PCBP3: variants seen among roughly 807,000 people sequenced by gnomAD.
PCBP3 encodes the protein poly(rC) binding protein 3.
In PCBP3, 25 loss-of-function variants were observed where a neutral mutation model predicts 52.7. The ratio of observed to expected loss-of-function variants is 0.47; its 90% CI spans 0.35 to 0.66. The LOEUF (loss-of-function observed/expected upper bound fraction) is 0.66. Ranked by LOEUF, PCBP3 falls within the 30% of genes least tolerant of loss-of-function variation. The probability of loss-of-function intolerance (pLI) is 0.01; values close to 1 mark genes in which losing one functional copy is unlikely to be tolerated. For missense variants in PCBP3, 391 were observed against 490.3 expected (o/e 0.80, Z 1.91); for synonymous variants, 162 against 183.0 (o/e 0.89, Z 0.93).
At chr21:45,730,428 T>C (rs2085367622) in intron 2 of PCBP3, among the ~76,000 whole-genome samples, 2 of 152,128 alleles carry the variant, frequency 1.3e-5, no homozygotes, top group South Asian at 4.1e-4. Context: ...TTTACAGTTT[T>C]ATTGAAATTT....
intron 9 of PCBP3, among the ~76,000 whole-genome samples, chr21:45,908,316 A>G (rs183305933): frequency 3.5e-4 from 53 of 152,182 alleles, no homozygotes; most frequent in Middle Eastern, 3.4e-3. Flanking sequence ...CAGGTCCCTA[A>G]CCCGACACCT....
rs2080061868 is a variant in PCBP3, at chr21:45,656,976, T to C, written c.-278-11898T>C. ...AGCTGGGACTACAGGTGCCCGCCACTGCGCCTGGCTAATTTTTTGTATTTT... is the reference window on the plus strand; with the variant it reads ...AGCTGGGACTACAGGTGCCCGCCACCGCGCCTGGCTAATTTTTTGTATTTT... On this transcript the variant is annotated intron_variant, in intron 1 of 17. Transcript: ENST00000681687. This position sits in a 1 kb window ranked among gnomAD's most constrained non-coding sequence, Gnocchi z 4.3. 6.6e-6 allele frequency among the ~76,000 whole-genome samples: 1 copy of C among 152,022 alleles called. No homozygotes were observed. Among genetic ancestry groups the C allele is most frequent in the South Asian group, 2.1e-4 (1 of 4,820 alleles).
At chr21:45,649,829 G>A (rs1241681773) in intron 1 of PCBP3, among the ~76,000 whole-genome samples, 8 of 151,806 alleles carry the variant, frequency 5.3e-5, no homozygotes, top group Admixed American at 5.3e-4. Context: ...TTAGGTTAAG[G>A]ATGATCACTT....
At chr21:45,840,443 C>A (rs1052257489) in intron 4 of PCBP3, among the ~76,000 whole-genome samples, 56 of 127,150 alleles carry the variant, frequency 4.4e-4, no homozygotes, top group Non-Finnish European at 6.8e-4. Context: ...GGTGACAGAG[C>A]GGGACCCTGT....
intron 2 of PCBP3, among the ~76,000 whole-genome samples, chr21:45,692,592 A>T (rs946682909): frequency 6.6e-6 from 1 of 152,202 alleles, no homozygotes; most frequent in South Asian, 2.1e-4. Flanking sequence ...ATTAAAGCTC[A>T]TTCAAAAAGA....
chr21:45,889,007 C>T (rs953156564), intron 5 of PCBP3, among the ~76,000 whole-genome samples: 5 of 152,222 alleles, frequency 3.3e-5, no homozygotes, highest in African/African-American at 1.2e-4. Context: ...ATGTTAGCTT[C>T]CTAAATACAC....
chr21:45,927,566 T>A (rs1030479521), intron 13 of PCBP3, among the ~76,000 whole-genome samples: 13 of 150,446 alleles, frequency 8.6e-5, no homozygotes, highest in African/African-American at 2.9e-4. Context: ...AGAGCTAGGG[T>A]GAGCACCCGC....
chr21:45,781,795 A>G (rs2090653975), intron 4 of PCBP3, among the ~76,000 whole-genome samples: 1 of 152,248 alleles, frequency 6.6e-6, no homozygotes, highest in Non-Finnish European at 1.5e-5. Context: ...AGGTGTGTAC[A>G]TATGTTAAAA....
Position 45,841,286 on chromosome 21 carries a change from A to G in PCBP3, c.-125-8675A>G, listed in dbSNP as rs1215702009. 7.9e-5 allele frequency among the ~76,000 whole-genome samples: 12 copies of G among 152,022 alleles called. 1 individual carries two copies. In the South Asian group the frequency reaches 2.3e-3, roughly 29 times the overall value. On this transcript the variant is annotated intron_variant, in intron 4 of 17. Coordinates refer to ENST00000681687, the MANE Select transcript of PCBP3 (RefSeq NM_001384156.1). ...TCTTTTGCCTGTCTTTTTGTCTGTC[A>G]TGTTCTCCTGAACCTTTTTTACCTC...
chr21:45,834,012 C>T (rs1054102898), intron 4 of PCBP3, among the ~76,000 whole-genome samples: 1 of 152,174 alleles, frequency 6.6e-6, no homozygotes, highest in Admixed American at 6.5e-5. Flanking sequence ...ATCTGGTCAC[C>T]AGAAGGAAAG....
chr21:45,650,767 A>G (rs561378770), intron 1 of PCBP3, among the ~76,000 whole-genome samples: 1 of 152,124 alleles, frequency 6.6e-6, no homozygotes, highest in African/African-American at 2.4e-5. Context: ...AAATTTGGCA[A>G]AATCGATTCT....
chr21:45,815,534 GGTGAGTA>G (rs1254102604), intron 4 of PCBP3, among the ~76,000 whole-genome samples: 2 of 72,072 alleles, frequency 2.8e-5, no homozygotes, highest in African/African-American at 1.1e-4. Context: ...ATGAGTGAGT[GGTGAGTA>G]GTGAGTGATG....
At chr21:45,871,797 T>G (rs1224584053) in intron 5 of PCBP3, 1 of 152,232 alleles carries the variant, frequency 6.6e-6, no homozygotes, top group African/African-American at 2.4e-5. Flanking sequence ...AGAGCCCCAG[T>G]TCCATGGAGG....
intron 5 of PCBP3, among the ~76,000 whole-genome samples, chr21:45,851,147 C>T (rs2093981415): frequency 6.6e-6 from 1 of 152,176 alleles, no homozygotes; most frequent in East Asian, 1.9e-4. Flanking sequence ...AAATAGAGAG[C>T]ACAGAAAAAC....
At chr21:45,803,919 G>A (rs2092400428) in intron 4 of PCBP3, among the ~76,000 whole-genome samples, 1 of 152,184 alleles carries the variant, frequency 6.6e-6, no homozygotes, top group Non-Finnish European at 1.5e-5. Flanking sequence ...TTACTGTGCT[G>A]TATCTCACTT....
At chr21:45,667,954 A>G (rs1305454483) in intron 1 of PCBP3, among the ~76,000 whole-genome samples, 1 of 152,154 alleles carries the variant, frequency 6.6e-6, no homozygotes, top group Non-Finnish European at 1.5e-5. Context: ...TGAATAGTTT[A>G]GTGGTCAGCT....
At chr21:45,851,062 C>G (rs1324332699) in intron 5 of PCBP3, among the ~76,000 whole-genome samples, 4 of 151,984 alleles carry the variant, frequency 2.6e-5, no homozygotes, top group Non-Finnish European at 5.9e-5. Context: ...TGTTAAGAAA[C>G]ATGAAAAATT....
intron 15 of PCBP3, among the ~76,000 whole-genome samples, chr21:45,932,878 G>A (rs2048286783): frequency 6.6e-6 from 1 of 150,876 alleles, no homozygotes. Context: ...TGGACACCTG[G>A]TCCATGCCGT....
intron 4 of PCBP3, among the ~76,000 whole-genome samples, chr21:45,798,655 TAGAG>T (rs1228454572): frequency 1.3e-5 from 2 of 150,088 alleles, no homozygotes; most frequent in Non-Finnish European, 3.0e-5. Flanking sequence ...CATGGATCCA[TAGAG>T]AGAGTGAATG....
Sources: allele counts gnomAD v4.1 joint callset (sites outside exome capture counted in the v4.1 genomes callset), GRCh38; gene constraint gnomAD v4.1.1; non-coding constraint Gnocchi (gnomAD v3.1); transcripts MANE v1.5; gene names NCBI Gene and HGNC (gene_info 2026-07-23, HGNC 2026-07-21).